Variants in MYO1D observed in about 807,000 individuals in gnomAD.
MYO1D encodes myosin ID.
A neutral mutation model predicts 122.0 loss-of-function variants in MYO1D; 83 were observed. That is an observed-to-expected ratio of 0.68 (90% CI 0.57 to 0.82). The LOEUF (loss-of-function observed/expected upper bound fraction) is 0.82. Among genes scored for constraint, MYO1D ranks in the 40% least tolerant of loss-of-function variants. The pLI is 0.00. For synonymous variants in MYO1D, 464 were observed against 446.9 expected, an observed-to-expected ratio of 1.04 and a Z score of -0.48; for missense variants, 1,157 against 1,269.5, an observed-to-expected ratio of 0.91 and a Z score of 1.35.
In MYO1D at chr17:32,721,116, C is replaced by T. The variant is rs753254863; in HGVS notation, c.1820G>A (p.Arg607Gln). 9 of 1,614,078 alleles carry T rather than the reference C, an allele frequency of 5.6e-6. No homozygotes were observed. The highest frequency in any genetic ancestry group is 1.6e-4 in the Middle Eastern group (1 of 6,062). Residue 607 changes from arginine (R) to glutamine (Q), a missense_variant, in exon 15 of 22, where the codon CGG becomes CAG. Transcript: ENST00000318217. ...TAGTCCAAGATATTCTACTTGGTGC[C>T]GGCAGCGTTCATCATCAAATATCTG... The part of the protein sequence containing the change: ...SPQIFDDERC[R>Q]HQVEYLGLLE...
rs1461817044 is a variant in MYO1D, at chr17:32,755,630, G to T, written c.1329C>A (p.Asp443Glu). The change falls in exon 11 of 22, where the codon GAC becomes GAA. Residue 443 changes from aspartate to glutamate, a missense_variant. Physicochemically the swap from Asp to Glu is conservative, Grantham distance 45 (BLOSUM62 2). Transcript: ENST00000318217. The stretch of plus-strand genomic sequence containing the variant: ...TCCCTTTGTGCTGTTGCTCCACGAG[G>T]TCAACAATGATCTGATTGTTGAAGT... ...IDYFNNQIIVDLVEQQHKGII... is the reference protein window; with the variant it reads ...IDYFNNQIIVELVEQQHKGII... 1 of 1,613,610 alleles carries T rather than the reference G, an allele frequency of 6.2e-7. No homozygotes were observed. Among genetic ancestry groups the T allele is most frequent in the Admixed American group, 1.7e-5 (1 of 59,982 alleles).
At chr17:32,583,094 T>C (rs2087356897) in intron 21 of MYO1D, among the ~76,000 whole-genome samples, 1 of 152,206 alleles carries the variant, frequency 6.6e-6, no homozygotes, top group African/African-American at 2.4e-5. Context: ...TGTTTTATCT[T>C]TCTTGTGTCT....
intron 21 of MYO1D, among the ~76,000 whole-genome samples, chr17:32,591,732 G>A (rs562012731): frequency 1.3e-5 from 2 of 152,048 alleles, no homozygotes; most frequent in East Asian, 3.9e-4. Context: ...AACATGATGT[G>A]CTCCTTCTGG....
intron 21 of MYO1D, among the ~76,000 whole-genome samples, chr17:32,581,330 C>T (rs2087336579): frequency 1.3e-5 from 2 of 152,072 alleles, no homozygotes; most frequent in Admixed American, 6.5e-5. Context: ...TTCTGCTTTT[C>T]CTCATCAGTC....
At chr17:32,561,980 A>G (rs2087130120) in intron 21 of MYO1D, among the ~76,000 whole-genome samples, 1 of 138,398 alleles carries the variant, frequency 7.2e-6, no homozygotes, top group South Asian at 2.4e-4. Flanking sequence ...CCATTTTGGC[A>G]TATTTTCTTC....
intron 21 of MYO1D, among the ~76,000 whole-genome samples, chr17:32,593,490 A>G (rs2087459328): frequency 6.6e-6 from 1 of 152,216 alleles, no homozygotes; most frequent in Non-Finnish European, 1.5e-5. Context: ...GCTCCACAGG[A>G]TTCTGGCATT....
intron 21 of MYO1D, among the ~76,000 whole-genome samples, chr17:32,553,084 AAAAAAAC>A (rs2087033493): frequency 7.2e-6 from 1 of 139,430 alleles, no homozygotes; most frequent in Non-Finnish European, 1.5e-5. Context: ...AGACAAAAAA[AAAAAAAC>A]AAAAAACAAA....
intron 21 of MYO1D, among the ~76,000 whole-genome samples, chr17:32,541,695 A>C (rs1469001830): frequency 1.3e-5 from 2 of 152,146 alleles, no homozygotes; most frequent in Admixed American, 6.5e-5. Flanking sequence ...AAATTCATGT[A>C]AAACTTTTGC....
At chr17:32,753,901 GAA>G (rs201189942) in intron 11 of MYO1D, among the ~76,000 whole-genome samples, 9 of 86,188 alleles carry the variant, frequency 1.0e-4, no homozygotes, top group South Asian at 3.4e-4. Flanking sequence ...CATCTCAAAA[GAA>G]AAAAAAAAAA....
chr17:32,687,474 G>A (rs570123405), intron 16 of MYO1D, among the ~76,000 whole-genome samples: 2 of 152,102 alleles, frequency 1.3e-5, no homozygotes, highest in Admixed American at 1.3e-4. Context: ...TGGGATTACA[G>A]GTGTGAGCCA....
intron 1 of MYO1D, among the ~76,000 whole-genome samples, chr17:32,835,164 GTTTT>G (rs779434725): frequency 7.1e-6 from 1 of 140,872 alleles, no homozygotes. Context: ...TTCTTTTGGG[GTTTT>G]TTTTTTTTTG....
intron 12 of MYO1D, among the ~76,000 whole-genome samples, chr17:32,748,136 A>G (rs950305156): frequency 6.6e-6 from 1 of 152,224 alleles, no homozygotes; most frequent in South Asian, 2.1e-4. Context: ...GTACTAAGGT[A>G]GTTATAATTT....
intron 20 of MYO1D, among the ~76,000 whole-genome samples, chr17:32,636,971 G>A (rs1032546234): frequency 2.6e-5 from 4 of 152,238 alleles, no homozygotes; most frequent in East Asian, 1.9e-4. Flanking sequence ...TCCCACTGAC[G>A]TTTTACCTTT....
intron 21 of MYO1D, among the ~76,000 whole-genome samples, chr17:32,512,452 CAGA>C (rs1909729054): frequency 1.3e-5 from 2 of 152,232 alleles, no homozygotes; most frequent in Non-Finnish European, 2.9e-5. Context: ...GTCAGCATCA[CAGA>C]AGGTCTAGAG....
At position 32,784,012 on chromosome 17, in the gene MYO1D, T is replaced by C. The variant is rs185275532; in HGVS notation, c.96-3228A>G. ...AAAGGAGTGGAGAACAGGAAAGCAT[T>C]GTACATAAATAACAACAATATAGTA... is the stretch of plus-strand genomic sequence containing the variant. On this transcript the variant is annotated intron_variant, in intron 1 of 21. Transcript: ENST00000318217. Among the ~76,000 whole-genome samples the C allele has an allele frequency of 2.8e-4, 43 of 152,318 alleles. No individual in the cohort carries two copies. In the East Asian group the frequency reaches 4.8e-3, roughly 17 times the overall value.
chr17:32,847,418 C>T (rs2151078743), intron 1 of MYO1D, among the ~76,000 whole-genome samples: 1 of 152,282 alleles, frequency 6.6e-6, no homozygotes, highest in Non-Finnish European at 1.5e-5. Flanking sequence ...TGGCCACTTG[C>T]CATTTTTTTC....
rs781674278 is a variant in MYO1D, at chr17:32,494,831, C to T, written c.2949G>A (p.Thr983=). The T allele has an allele frequency of 4.3e-6, 7 of 1,613,822 alleles. No homozygotes were observed. In the South Asian group the frequency reaches 6.6e-5, roughly 15 times the overall value. The change falls in exon 22 of 22, where the codon ACG becomes ACA. Residue 983 remains threonine (T), a synonymous_variant. Transcript: ENST00000318217. ...HGKKCTVSVE[T]RLNQPQPDFT... ...AGTCGGGCTGGGGCTGGTTGAGCCGCGTCTCCACGGAGACGGTGCACTTCT... is the reference window on the plus strand; with the variant it reads ...AGTCGGGCTGGGGCTGGTTGAGCCGTGTCTCCACGGAGACGGTGCACTTCT...
At chr17:32,725,581 G>A (rs2089562511) in intron 14 of MYO1D, among the ~76,000 whole-genome samples, 1 of 151,796 alleles carries the variant, frequency 6.6e-6, no homozygotes, top group Admixed American at 6.6e-5. Context: ...AGTTAGGTGA[G>A]AAGAAATTTT....
rs762727397 is a variant in MYO1D, at chr17:32,876,832, A to G, written c.41T>C (p.Phe14Ser). ...CATGGAGACGGTGTCCATCAGCACGAAGTCTGCCTTGCCGAATTCCAGGCT... is the reference window on the plus strand; with the variant it reads ...CATGGAGACGGTGTCCATCAGCACGGAGTCTGCCTTGCCGAATTCCAGGCT... ...QESLEFGKAD[F>S]VLMDTVSMPE... The change falls in exon 1 of 22, where the codon TTC (phenylalanine) becomes TCC (serine). Residue 14 changes from phenylalanine (F) to serine (S), a missense_variant. Transcript: ENST00000318217. The G allele has an allele frequency of 3.9e-5, 59 of 1,523,710 alleles. No homozygotes were observed. Among genetic ancestry groups the G allele is most frequent in the Non-Finnish European group, 4.8e-5 (54 of 1,136,136 alleles). 94.4% of individuals were successfully genotyped at this position (1,523,710 alleles called of 1,614,324 possible).
Sources: gnomAD v4.1 joint callset for allele counts (sites outside exome capture counted in the v4.1 genomes callset) on GRCh38, gnomAD v4.1.1 for gene constraint, MANE v1.5 for transcripts, NCBI Gene and HGNC (gene_info 2026-07-23, HGNC 2026-07-21) for gene names.